Variants in CCDC148 observed in about 807,000 individuals in gnomAD.
CCDC148 encodes the protein coiled-coil domain-containing protein 148.
A neutral mutation model predicts 85.7 loss-of-function variants in CCDC148; 89 were observed. The ratio of observed to expected loss-of-function variants is 1.04; its 90% confidence interval spans 0.87 to 1.24. The LOEUF (loss-of-function observed/expected upper bound fraction) is 1.24. CCDC148 is among the 50% of genes most tolerant of loss of function. The probability of loss-of-function intolerance (pLI) is 0.00; values close to 1 mark genes in which losing one functional copy is unlikely to be tolerated. For synonymous variants in CCDC148, 230 were observed against 213.9 expected, an observed-to-expected ratio of 1.08 and a Z score of -0.66; for missense variants, 692 against 671.7, an observed-to-expected ratio of 1.03 and a Z score of -0.33.
intron 1 of CCDC148, among the ~76,000 whole-genome samples, chr2:158,429,067 A>C (rs1387116457): frequency 1.3e-5 from 2 of 150,040 alleles, no homozygotes; most frequent in Middle Eastern, 3.4e-3. Flanking sequence ...GTTCTCACTC[A>C]TATGTGGGAA....
intron 10 of CCDC148, among the ~76,000 whole-genome samples, chr2:158,245,984 T>C (rs10497197): frequency 0.058 from 8,881 of 152,240 alleles, 822 homozygotes; most frequent in African/African-American, 0.2. Flanking sequence ...GAAAAAGTGA[T>C]TTAAGGAGCT....
At chr2:158,217,374 G>GTATATATATATATATA (rs762560897) in intron 11 of CCDC148, among the ~76,000 whole-genome samples, 1 of 98,526 alleles carries the variant, frequency 1.0e-5, no homozygotes, top group Non-Finnish European at 2.2e-5. Context: ...GTGTGTGTGT[G>GTATATATATATATATA]TATATATATA....
At chr2:158,434,829 T>C (rs939003946) in intron 1 of CCDC148, among the ~76,000 whole-genome samples, 4 of 152,156 alleles carry the variant, frequency 2.6e-5, no homozygotes, top group South Asian at 2.1e-4. Context: ...ACTTGACACA[T>C]GCACAAGCTT....
At chr2:158,270,448 C>T (rs1436914392) in intron 9 of CCDC148, among the ~76,000 whole-genome samples, 2 of 152,066 alleles carry the variant, frequency 1.3e-5, no homozygotes, top group African/African-American at 2.4e-5. Flanking sequence ...TTACTTTGTA[C>T]GAGGAAAAGA....
In CCDC148 at chr2:158,433,128, C is replaced by T. The variant is rs1338651314; in HGVS notation, c.25+23287G>A. On this transcript the variant is annotated intron_variant, in intron 1 of 13. Coordinates refer to ENST00000283233, the MANE Select transcript of CCDC148 (RefSeq NM_138803.4). Reference sequence around the variant, plus strand: ...TATATATATGACTTGGGTGTCATGGCCCACACCTGTAGTCCCAGCAACTCA... The same window carrying T: ...TATATATATGACTTGGGTGTCATGGTCCACACCTGTAGTCCCAGCAACTCA... Among the ~76,000 whole-genome samples, 17 of 130,182 alleles carry T rather than the reference C, an allele frequency of 1.3e-4. No individual in the cohort carries two copies. In the Admixed American group the frequency reaches 1.3e-3, roughly 10 times the overall value. 85.4% of individuals were successfully genotyped at this position (130,182 alleles called of 152,430 possible).
chr2:158,217,336 G>GTGTATA (rs59724353), intron 11 of CCDC148, among the ~76,000 whole-genome samples: 6,413 of 137,584 alleles, frequency 0.047, 212 homozygotes, highest in South Asian at 0.081. Flanking sequence ...ATAATTTTGT[G>GTGTATA]TATATATATA....
chr2:158,316,174 T>A (rs1285338882), intron 7 of CCDC148, among the ~76,000 whole-genome samples: 2 of 152,216 alleles, frequency 1.3e-5, no homozygotes, highest in Non-Finnish European at 2.9e-5. Context: ...TGATGATATC[T>A]CATACTGAGT....
At chr2:158,387,620 C>T (rs1685144855) in intron 1 of CCDC148, among the ~76,000 whole-genome samples, 1 of 152,124 alleles carries the variant, frequency 6.6e-6, no homozygotes, top group Non-Finnish European at 1.5e-5. Flanking sequence ...TCCAAATATA[C>T]TTCTTCCTCA....
intron 9 of CCDC148, among the ~76,000 whole-genome samples, chr2:158,308,775 TC>T (rs1480416456): frequency 6.6e-6 from 1 of 152,150 alleles, no homozygotes; most frequent in Non-Finnish European, 1.5e-5. Flanking sequence ...ATGCAATTAT[TC>T]CCAGCACAAC....
intron 11 of CCDC148, among the ~76,000 whole-genome samples, chr2:158,218,992 G>A (rs1521875): frequency 6.6e-6 from 1 of 151,994 alleles, no homozygotes; most frequent in African/African-American, 2.4e-5. Context: ...TCAGTGATTA[G>A]AGTTTGAGAT....
intron 1 of CCDC148, among the ~76,000 whole-genome samples, chr2:158,362,667 C>T (rs988753039): frequency 2.6e-5 from 4 of 152,146 alleles, no homozygotes; most frequent in Admixed American, 2.6e-4. Context: ...ACAGCTAAAG[C>T]AGTGTGTAGA....
chr2:158,246,505 C>T (rs1160514312), intron 10 of CCDC148, among the ~76,000 whole-genome samples: 1 of 151,992 alleles, frequency 6.6e-6, no homozygotes, highest in East Asian at 1.9e-4. Flanking sequence ...ACACACACTG[C>T]CCCAGTGCCA....
intron 1 of CCDC148, among the ~76,000 whole-genome samples, chr2:158,387,842 C>T (rs1685154678): frequency 6.6e-6 from 1 of 152,170 alleles, no homozygotes; most frequent in Non-Finnish European, 1.5e-5. Context: ...CGCCCTTACA[C>T]ATAAATGTGG....
intron 9 of CCDC148, among the ~76,000 whole-genome samples, chr2:158,268,060 A>T (rs1265597344): frequency 6.6e-6 from 1 of 152,186 alleles, no homozygotes. Flanking sequence ...ACACACATTC[A>T]TGTGCAGGTT....
chr2:158,330,607 G>A (rs992685064), intron 7 of CCDC148, among the ~76,000 whole-genome samples: 1 of 152,138 alleles, frequency 6.6e-6, no homozygotes, highest in Non-Finnish European at 1.5e-5. Context: ...TTATACCTCT[G>A]GTAGAATTCA....
chr2:158,195,908 G>C (rs993075432), intron 11 of CCDC148, among the ~76,000 whole-genome samples: 2 of 152,076 alleles, frequency 1.3e-5, no homozygotes, highest in Non-Finnish European at 2.9e-5. Context: ...AAGTTTATCA[G>C]GGGAGGCAGC....
chr2:158,246,654 G>A (rs1346078594), intron 10 of CCDC148, among the ~76,000 whole-genome samples: 1 of 152,140 alleles, frequency 6.6e-6, no homozygotes, highest in Admixed American at 6.6e-5. Context: ...GTGCTCACGG[G>A]AGCTGGAATC....
intron 11 of CCDC148, among the ~76,000 whole-genome samples, chr2:158,193,117 T>A (rs1685497808): frequency 6.6e-6 from 1 of 152,096 alleles, no homozygotes; most frequent in Non-Finnish European, 1.5e-5. Context: ...TCTGATATCA[T>A]GTCTCTGGTT....
intron 10 of CCDC148, among the ~76,000 whole-genome samples, chr2:158,234,829 A>G (rs1424229133): frequency 6.6e-6 from 1 of 152,226 alleles, no homozygotes; most frequent in African/African-American, 2.4e-5. Context: ...TATGTAGAAA[A>G]AAGAGTGTAA....
Sources: allele counts gnomAD v4.1 joint callset (sites outside exome capture counted in the v4.1 genomes callset), GRCh38; gene constraint gnomAD v4.1.1; transcripts MANE v1.5; gene names NCBI Gene and HGNC (gene_info 2026-07-23, HGNC 2026-07-21).